KRT85: variants seen among roughly 807,000 people sequenced by gnomAD.
KRT85 encodes the protein keratin 85.
Under a neutral mutation model 53.7 loss-of-function variants are expected in KRT85, and 39 were observed. That is an observed-to-expected ratio of 0.73 (90% CI 0.56 to 0.95). KRT85 has a LOEUF of 0.95. Ranked by LOEUF, KRT85 falls within the 40% of genes least tolerant of loss-of-function variation. The pLI is 0.00. For synonymous variants in KRT85, 291 were observed against 277.5 expected, an observed-to-expected ratio of 1.05 and a Z score of -0.48; for missense variants, 668 against 686.0, an observed-to-expected ratio of 0.97 and a Z score of 0.29.
rs780883191 is a variant in KRT85 at position 52,363,351 on chromosome 12, G to A, written c.846C>T (p.Asn282=). The change falls in exon 5 of 9, where the codon AAC becomes AAT. Residue 282 remains asparagine, a synonymous_variant. Transcript: ENST00000257901. ...TGCAGTCCATGTTCAGGTCTCGGCT[G>A]TTGTCCATCTTGACTATGACCGAGG... is the stretch of plus-strand genomic sequence containing the variant. ...SDTSVIVKMD[N]SRDLNMDCII... 22 of 1,614,154 alleles carry A rather than the reference G, an allele frequency of 1.4e-5. No homozygotes were observed. In the Middle Eastern group the frequency reaches 1.5e-3, roughly 109 times the overall value.
chr12:52,363,005 G>A (rs1478802787), intron 5 of KRT85, 26 bp from the exon 6 acceptor site: 1 of 1,614,114 alleles, frequency 6.2e-7, no homozygotes, highest in Admixed American at 1.7e-5. Context: ...ATGCTCATGA[G>A]GCTCAGGGTG....
In KRT85 at chr12:52,363,559, C is replaced by T. The variant is rs536103778; in HGVS notation, c.787-149G>A. ...CCTACCACCTTCACTCATGCACAGG[C>T]TCCTTAAAAACAACAAAGCTGAAAG... On this transcript the variant is annotated intron_variant, in intron 4 of 8. Transcript: ENST00000257901. 9.2e-5 allele frequency: 79 copies of T among 857,174 alleles called. 1 individual carries two copies. The African/African-American group carries it at 1.2e-3, about 13-fold the overall frequency. 53.1% of individuals were successfully genotyped at this position (857,174 alleles called of 1,614,324 possible).
intron 6 of KRT85, 133 bp from the exon 7 acceptor site, chr12:52,362,604 G>A (rs1939209504): frequency 8.0e-7 from 1 of 1,250,336 alleles, no homozygotes. Flanking sequence ...AGTTAATGGG[G>A]CTGTGAATAT....
Position 52,364,074 on chromosome 12 carries a change from A to G in KRT85, c.780T>C (p.Tyr260=), listed in dbSNP as rs764710085. The change falls in exon 4 of 9, where the codon TAT becomes TAC. Residue 260 remains tyrosine, a synonymous_variant. Coordinates refer to ENST00000257901, the MANE Select transcript of KRT85 (RefSeq NM_002283.4). ...GTGGCAGTTGCCCCCTTACCTCTTC[A>G]TAGAGGCGCCTCAGGAAGCTAGACT... ...VEESSFLRRL[Y]EEEIRVLQAH... 3.6e-5 allele frequency: 58 copies of G among 1,613,142 alleles called. No homozygotes were observed. The highest frequency in any genetic ancestry group is 4.6e-5 in the Non-Finnish European group (54 of 1,179,764).
rs1939288423 is a variant in KRT85, at chr12:52,367,270, G to A, written c.136C>T (p.Arg46Ter). The A allele has an allele frequency of 6.2e-7, 1 of 1,612,472 alleles. No homozygotes were observed. The highest frequency in any genetic ancestry group is 2.2e-5 in the East Asian group (1 of 44,832). Residue 46 changes from arginine to a stop codon, truncating the protein, a stop_gained, in exon 1 of 9, where the codon CGA (arginine) becomes TGA (stop). Transcript: ENST00000257901. LOFTEE classifies it high-confidence loss of function. The part of the protein sequence containing the change: ...AAPYRGVSCY[R>*]GLTGFGSRSL... ...CGGCTGCCGAAGCCCGTCAGCCCTC[G>A]GTAGCAGGACACCCCTCGGTAGGGG...
At chr12:52,363,763 C>A (rs1939230267) in intron 4 of KRT85, among the ~76,000 whole-genome samples, 1 of 152,166 alleles carries the variant, frequency 6.6e-6, no homozygotes, top group Non-Finnish European at 1.5e-5. Flanking sequence ...GCCATCCTGA[C>A]CCCCACCACA....
At position 52,364,060 on chromosome 12, in the gene KRT85, C is replaced by T. The variant is rs765344920; in HGVS notation, c.786+8G>A. On this transcript the variant is annotated splice_region_variant and intron_variant, in intron 4 of 8. Transcript: ENST00000257901. ...CCTGCCCTGGCTGGGTGGCAGTTGCCCCCTTACCTCTTCATAGAGGCGCCT... is the reference window on the plus strand; with the variant it reads ...CCTGCCCTGGCTGGGTGGCAGTTGCTCCCTTACCTCTTCATAGAGGCGCCT... The T allele has an allele frequency of 1.2e-5, 19 of 1,611,778 alleles. No homozygotes were observed. Among genetic ancestry groups the T allele is most frequent in the South Asian group, 2.2e-5 (2 of 91,006 alleles).
In KRT85 at chr12:52,364,351, C is replaced by A; in HGVS notation, c.645G>T (p.Val215=). 6.2e-7 allele frequency: 1 copy of A among 1,614,170 alleles called. No homozygotes were observed. The change falls in exon 3 of 9, where the codon GTG becomes GTT. Residue 215 remains valine (V), a synonymous_variant. Coordinates refer to ENST00000257901, the MANE Select transcript of KRT85 (RefSeq NM_002283.4). ...CATTCTCTGCTGTGGCTCTCAGGGC[C>A]ACCTCCTCTTCATACCTGGGTGTGG... ...EGYKKKYEEE[V]ALRATAENEF...
At position 52,364,708 on chromosome 12, in the gene KRT85, C is replaced by G. The variant is rs1280687456; in HGVS notation, c.629+254G>C. 10 of 1,421,152 alleles carry G rather than the reference C, an allele frequency of 7.0e-6. No homozygotes were observed. In the East Asian group the frequency reaches 2.5e-4, roughly 35 times the overall value. The allele number at this position is 1,421,152 out of a possible 1,614,324, so 88.0% of individuals were successfully genotyped here. A position where few individuals can be genotyped will look rare whatever the true frequency, so the allele number is the denominator to read the frequency against. On this transcript the variant is annotated intron_variant, in intron 2 of 8. Transcript: ENST00000257901. ...AAAGGTAAGCTGTGAAGGACAGGGA[C>G]ATAGAGAGTGCTAGAATTCCACTGG...
In KRT85 at chr12:52,360,852, A is replaced by G. The variant is rs1177688752; in HGVS notation, c.*1T>C. 1.9e-6 allele frequency: 3 copies of G among 1,612,180 alleles called. No homozygotes were observed. Among genetic ancestry groups the G allele is most frequent in the South Asian group, 1.1e-5 (1 of 90,990 alleles). On this transcript the variant is annotated 3_prime_UTR_variant, in exon 9 of 9. Transcript: ENST00000257901. ...CAGGAAGCCCTGGCTCCATGACTCTACTAGGCAAAGCGGACCGACCGGCTA... is the reference window on the plus strand; with the variant it reads ...CAGGAAGCCCTGGCTCCATGACTCTGCTAGGCAAAGCGGACCGACCGGCTA...
chr12:52,365,080 G>A lies in KRT85; in HGVS notation c.511C>T (p.Leu171=). The A allele has an allele frequency of 5.0e-6, 8 of 1,614,030 alleles. No individual in the cohort carries two copies. The highest frequency in any genetic ancestry group is 6.8e-6 in the Non-Finnish European group (8 of 1,180,048). Residue 171 remains leucine (L), a synonymous_variant, in exon 2 of 9, where the codon CTG becomes TTG. Coordinates refer to ENST00000257901, the MANE Select transcript of KRT85 (RefSeq NM_002283.4). ...QRCCESNLEP[L]FSGYIETLRR... ...AGAGTCTCGATGTAGCCACTGAACA[G>A]TGGCTCCAGGTTGCTCTCGCAGCAG...
rs1423093457 is a variant in KRT85 at position 52,362,331 on chromosome 12, G to A, written c.1218C>T (p.Tyr406=). 2 of 1,614,146 alleles carry A rather than the reference G, an allele frequency of 1.2e-6. No individual in the cohort carries two copies. The highest frequency in any genetic ancestry group is 1.1e-5 in the South Asian group (1 of 91,082). ...KQDMACLLKE[Y]QEVMNSKLGL... ...CCAGCTTGGAGTTCATCACCTCCTG[G>A]TACTCCTTGAGCAGGCAGGCCATGT... The change falls in exon 7 of 9, where the codon TAC becomes TAT. Residue 406 remains tyrosine, a synonymous_variant. Coordinates refer to ENST00000257901, the MANE Select transcript of KRT85 (RefSeq NM_002283.4).
intron 1 of KRT85, among the ~76,000 whole-genome samples, chr12:52,366,747 T>TAC (rs1159681665): frequency 2.0e-5 from 3 of 151,798 alleles, no homozygotes; most frequent in African/African-American, 4.8e-5. Flanking sequence ...CACACACATG[T>TAC]ACACACACAC....
At position 52,362,443 on chromosome 12, in the gene KRT85, T is replaced by A. The variant is rs1183681739; in HGVS notation, c.1106A>T (p.Glu369Val). ...GGCCGCCTCACCCTGCTGCTCTGCC[T>A]CAGCCACAGCAGCCTCCAGCTTGGC... ...QRAKLEAAVA[E>V]AEQQGEAALS... is the part of the protein sequence containing the mutation. The change falls in exon 7 of 9, where the codon GAG (glutamate) becomes GTG (valine). Residue 369 changes from glutamate to valine, a missense_variant. By Grantham distance (121) the Glu-to-Val change is moderately radical. Transcript: ENST00000257901. 6.2e-7 allele frequency: 1 copy of A among 1,614,016 alleles called. No individual in the cohort carries two copies. The highest frequency in any genetic ancestry group is 1.3e-5 in the African/African-American group (1 of 74,938).
At chr12:52,364,466 C>A in intron 2 of KRT85, 100 bp from the exon 3 acceptor site, 1 of 1,603,954 alleles carries the variant, frequency 6.2e-7, no homozygotes, top group Non-Finnish European at 8.5e-7. Flanking sequence ...AGGGATTAAT[C>A]CCCTCCAGAT....
At chr12:52,366,728 C>T (rs1359367775) in intron 1 of KRT85, among the ~76,000 whole-genome samples, 4 of 151,916 alleles carry the variant, frequency 2.6e-5, no homozygotes, top group African/African-American at 9.7e-5. Context: ...GCGCACACAC[C>T]GCTACACACA....
Position 52,360,958 on chromosome 12 carries a change from G to T in KRT85, c.1419C>A (p.Ala473=), listed in dbSNP as rs1315994035. Residue 473 remains alanine (A), a synonymous_variant, in exon 9 of 9, where the codon GCC becomes GCA. Coordinates refer to ENST00000257901, the MANE Select transcript of KRT85 (RefSeq NM_002283.4). The part of the protein sequence containing the change: ...PGRQITSGPS[A]IGGSITVVAP... The stretch of plus-strand genomic sequence containing the variant: ...CCACCACCGTGATGCTGCCGCCTAT[G>T]GCTGAGGGGCCAGAAGTGATCTGGC... 1 of 1,613,344 alleles carries T rather than the reference G, an allele frequency of 6.2e-7. No homozygotes were observed. The highest frequency in any genetic ancestry group is 1.3e-5 in the African/African-American group (1 of 74,890).
chr12:52,363,505 C>T (rs1565768385), intron 4 of KRT85, 95 bp from the exon 5 acceptor site: 2 of 1,394,708 alleles, frequency 1.4e-6, no homozygotes, highest in East Asian at 4.7e-5. Context: ...AGACCGGGCA[C>T]TGGTCATGAA....
chr12:52,365,170 C>T lies in KRT85; in HGVS notation c.421G>A (p.Val141Met). 6.2e-7 allele frequency: 1 copy of T among 1,614,228 alleles called. No homozygotes were observed. The highest frequency in any genetic ancestry group is 8.5e-7 in the Non-Finnish European group (1 of 1,180,046). The change falls in exon 2 of 9, where the codon GTG (valine) becomes ATG (methionine). Residue 141 changes from valine to methionine, a missense_variant and splice_region_variant. Val to Met is a conservative substitution (Grantham distance 21). Around this residue, in one of 3 missense-constraint regions of KRT85, gnomAD observed 488 missense variants for 498.1 expected, o/e 0.98. Transcript: ENST00000257901. ...TTGTTCTGCTGCTCCAGGAAGCGCA[C>T]CTGCCATTCAGGTGGAAAGAAGAAG... Reference protein sequence around the residue: ...NSRFAAFIDKVRFLEQQNKLL... With the variant: ...NSRFAAFIDKMRFLEQQNKLL...
Sources: allele counts gnomAD v4.1 joint callset (sites outside exome capture counted in the v4.1 genomes callset), GRCh38; gene constraint gnomAD v4.1.1; regional missense constraint gnomAD v4.1.1; transcripts MANE v1.5; gene names NCBI Gene and HGNC (gene_info 2026-07-23, HGNC 2026-07-21).